Variants in GABRB2 observed in about 807,000 individuals in gnomAD.
The protein encoded by GABRB2 is gamma-aminobutyric acid receptor subunit beta-2.
GABRB2 carries 16 observed loss-of-function variants against 54.7 expected under a neutral mutation model. The ratio of observed to expected loss-of-function variants is 0.29; its 90% CI spans 0.20 to 0.44. The LOEUF (loss-of-function observed/expected upper bound fraction) is 0.44, where lower values mean the gene tolerates loss of function less well. GABRB2 is among the 20% of genes least tolerant of loss of function. GABRB2 has a pLI of 1.00. For synonymous variants in GABRB2, 244 were observed against 233.8 expected, an observed-to-expected ratio of 1.04 and a Z score of -0.40; for missense variants, 355 against 644.0, an observed-to-expected ratio of 0.55 and a Z score of 4.86.
intron 5 of GABRB2, among the ~76,000 whole-genome samples, chr5:161,345,665 A>G (rs1754301558): frequency 6.6e-6 from 1 of 152,028 alleles, no homozygotes; most frequent in Non-Finnish European, 1.5e-5. Flanking sequence ...TGGTTTCCTT[A>G]AGGTGGAATT....
chr5:161,368,136 C>T (rs576754788), intron 5 of GABRB2, among the ~76,000 whole-genome samples: 1,951 of 151,954 alleles, frequency 0.013, 53 homozygotes, highest in African/African-American at 0.045. Context: ...CACACACACA[C>T]ACACACACAC....
chr5:161,490,090 TA>T (rs1241826750), intron 3 of GABRB2, among the ~76,000 whole-genome samples: 2 of 151,698 alleles, frequency 1.3e-5, no homozygotes, highest in Non-Finnish European at 1.5e-5. Context: ...TCAGCAAAAA[TA>T]TTGTCTCAGC....
chr5:161,391,903 T>C (rs1168083559), intron 5 of GABRB2, among the ~76,000 whole-genome samples: 4 of 152,194 alleles, frequency 2.6e-5, no homozygotes, highest in African/African-American at 4.8e-5. Context: ...ACTGCTATTA[T>C]GTTCCCACAC....
chr5:161,468,471 C>T (rs759546972), intron 3 of GABRB2, among the ~76,000 whole-genome samples: 3 of 152,170 alleles, frequency 2.0e-5, no homozygotes, highest in Non-Finnish European at 2.9e-5. Flanking sequence ...TTGGTTCCTT[C>T]CTGGGACTCA....
chr5:161,417,153 A>G (rs1387763037), intron 4 of GABRB2, among the ~76,000 whole-genome samples: 3 of 152,204 alleles, frequency 2.0e-5, no homozygotes, highest in Non-Finnish European at 4.4e-5. Flanking sequence ...TAGTTAGAAA[A>G]TGGAAATAAT....
At chr5:161,463,560 T>C (rs1379985564) in intron 3 of GABRB2, among the ~76,000 whole-genome samples, 2 of 59,406 alleles carry the variant, frequency 3.4e-5, no homozygotes, top group African/African-American at 9.9e-5. Context: ...TTTATTTATA[T>C]ATATATATAT....
chr5:161,342,306 A>G (rs1295885100), intron 5 of GABRB2, among the ~76,000 whole-genome samples: 4 of 151,992 alleles, frequency 2.6e-5, no homozygotes, highest in Non-Finnish European at 5.9e-5. Context: ...ATACCTCATC[A>G]TAAAATAATT....
chr5:161,534,136 T>C (rs1196559221), intron 3 of GABRB2, among the ~76,000 whole-genome samples: 1 of 152,184 alleles, frequency 6.6e-6, no homozygotes, highest in Non-Finnish European at 1.5e-5. Context: ...TTTTTTACAA[T>C]AGTGGCTCTC....
intron 3 of GABRB2, among the ~76,000 whole-genome samples, chr5:161,544,795 G>A (rs1451184518): frequency 6.6e-6 from 1 of 152,048 alleles, no homozygotes; most frequent in Non-Finnish European, 1.5e-5. Context: ...CAACGAGTGG[G>A]CATCAGTATT....
chr5:161,480,372 T>G (rs775345801), intron 3 of GABRB2, among the ~76,000 whole-genome samples: 34 of 152,060 alleles, frequency 2.2e-4, no homozygotes, highest in Non-Finnish European at 4.7e-4. Context: ...CACAAATACA[T>G]AAATATATTA....
intron 4 of GABRB2, among the ~76,000 whole-genome samples, chr5:161,421,468 T>TC (rs1339940248): frequency 1.3e-5 from 2 of 152,190 alleles, no homozygotes; most frequent in East Asian, 1.9e-4. Context: ...TTACTTTTTT[T>TC]CTCTCTCTCA....
chr5:161,476,041 C>A (rs36050305), intron 3 of GABRB2, among the ~76,000 whole-genome samples: 3,407 of 151,930 alleles, frequency 0.022, 61 homozygotes, highest in Non-Finnish European at 0.034. Flanking sequence ...TGTAGAAAAT[C>A]CTAAATATTC....
At position 161,459,785 on chromosome 5, in the gene GABRB2, A is replaced by G; in HGVS notation, c.297T>C (p.Asn99=). 1 of 1,614,018 alleles carries G rather than the reference A, an allele frequency of 6.2e-7. No homozygotes were observed. The highest frequency in any genetic ancestry group is 2.2e-5 in the East Asian group (1 of 44,870). The stretch of plus-strand genomic sequence containing the variant: ...CCAGAGTCAAGTTTAAAGGTATTAC[A>G]TTATAGGACAGCCTCTTATCTCTCC... The part of the protein sequence containing the change: ...QAWRDKRLSY[N]VIPLNLTLDN... Residue 99 remains asparagine (N), a synonymous_variant, in exon 4 of 10, where the codon AAT becomes AAC. Coordinates refer to ENST00000393959, the MANE Select transcript of GABRB2 (RefSeq NM_001371727.1).
intron 3 of GABRB2, among the ~76,000 whole-genome samples, chr5:161,518,431 T>C (rs1310353125): frequency 6.6e-6 from 1 of 152,222 alleles, no homozygotes; most frequent in Non-Finnish European, 1.5e-5. Flanking sequence ...GTAGTCAGGA[T>C]TGCCTTGTAA....
chr5:161,425,762 G>A lies in GABRB2; in HGVS notation c.459-14705C>T, dbSNP rs573555071. 8.5e-5 allele frequency among the ~76,000 whole-genome samples: 13 copies of A among 152,188 alleles called. 1 individual carries two copies. In the South Asian group the frequency reaches 2.7e-3, roughly 32 times the overall value. On this transcript the variant is annotated intron_variant, in intron 4 of 9. Transcript: ENST00000393959. ...ATTAAATCTATCAGAAGTTAATATT[G>A]ACATATGGTGTGCATGAGGACATAG...
chr5:161,535,881 T>C (rs1760618912), intron 3 of GABRB2, among the ~76,000 whole-genome samples: 1 of 152,116 alleles, frequency 6.6e-6, no homozygotes, highest in Non-Finnish European at 1.5e-5. Flanking sequence ...GATTGATGCC[T>C]TATCTGAGGA....
At chr5:161,443,793 T>C (rs144607002) in intron 4 of GABRB2, among the ~76,000 whole-genome samples, 84 of 152,174 alleles carry the variant, frequency 5.5e-4, no homozygotes, top group Non-Finnish European at 1.1e-3. Flanking sequence ...GGGCCAGACA[T>C]GTGGTTTGTC....
intron 3 of GABRB2, among the ~76,000 whole-genome samples, chr5:161,460,698 G>A (rs905193468): frequency 2.0e-5 from 3 of 151,896 alleles, no homozygotes; most frequent in Non-Finnish European, 4.4e-5. Context: ...TATTTGACAG[G>A]AACCATTGAG....
At chr5:161,307,559 C>T (rs1757724890) in intron 9 of GABRB2, among the ~76,000 whole-genome samples, 1 of 152,076 alleles carries the variant, frequency 6.6e-6, no homozygotes, top group African/African-American at 2.4e-5. Context: ...TGGGCATGTT[C>T]CATTGCTTAG....
Sources: allele counts gnomAD v4.1 joint callset (sites outside exome capture counted in the v4.1 genomes callset), GRCh38; gene constraint gnomAD v4.1.1; transcripts MANE v1.5; gene names NCBI Gene and HGNC (gene_info 2026-07-23, HGNC 2026-07-21).